The following RGS7 variants were observed in gnomAD, a reference collection of about 807,000 sequenced individuals.
RGS7 encodes regulator of G-protein signaling 7.
Under a neutral mutation model 81.1 loss-of-function variants are expected in RGS7, and 27 were observed. The observed-to-expected ratio is 0.33, with a 90% CI of 0.25 to 0.46. The LOEUF is 0.46. Among genes scored for constraint, RGS7 ranks in the 20% least tolerant of loss-of-function variants. RGS7 has a pLI of 1.00. For missense variants in RGS7, 396 were observed against 607.4 expected (o/e 0.65, Z 3.66); for synonymous variants, 208 against 207.7 (o/e 1.00, Z -0.01).
chr1:240,881,356 G>T (rs528395446), intron 6 of RGS7, among the ~76,000 whole-genome samples: 2 of 151,530 alleles, frequency 1.3e-5, no homozygotes, highest in Admixed American at 6.6e-5. Flanking sequence ...GTCGTGGGGT[G>T]GGGGGCTAGG....
At chr1:240,957,873 T>A (rs1680714030) in intron 4 of RGS7, among the ~76,000 whole-genome samples, 1 of 152,232 alleles carries the variant, frequency 6.6e-6, no homozygotes, top group African/African-American at 2.4e-5. Context: ...AAAATCACTC[T>A]ACTGCATAAC....
At chr1:241,333,038 G>A (rs1573723087) in intron 2 of RGS7, among the ~76,000 whole-genome samples, 1 of 152,330 alleles carries the variant, frequency 6.6e-6, no homozygotes, top group East Asian at 1.9e-4. Context: ...TGGAGGGAAA[G>A]GGATAACAAA....
intron 18 of RGS7, among the ~76,000 whole-genome samples, chr1:240,800,059 T>C (rs1272097026): frequency 1.3e-5 from 2 of 152,226 alleles, no homozygotes; most frequent in Non-Finnish European, 2.9e-5. Flanking sequence ...CAGTATATTC[T>C]GTCAGCATTA....
At chr1:241,156,135 T>TAGAC (rs924862959) in intron 2 of RGS7, among the ~76,000 whole-genome samples, 2 of 55,878 alleles carry the variant, frequency 3.6e-5, no homozygotes, top group African/African-American at 7.5e-5. Flanking sequence ...TAAATGATGA[T>TAGAC]AGATAGATAG....
chr1:241,318,836 ATTTTAATC>A (rs2081044819), intron 2 of RGS7, among the ~76,000 whole-genome samples: 2 of 152,352 alleles, frequency 1.3e-5, no homozygotes, highest in African/African-American at 4.8e-5. Flanking sequence ...CAACATTTAT[ATTTTAATC>A]ATTATAAAGC....
At chr1:241,207,248 T>TTCTCTCTCTCTC (rs149671121) in intron 2 of RGS7, among the ~76,000 whole-genome samples, 68 of 149,906 alleles carry the variant, frequency 4.5e-4, no homozygotes, top group Admixed American at 1.2e-3. Context: ...GTTTCTTTCT[T>TTCTCTCTCTCTC]TCTCTCTCTC....
intron 14 of RGS7, among the ~76,000 whole-genome samples, chr1:240,807,846 C>A (rs1458552303): frequency 6.6e-6 from 1 of 151,874 alleles, no homozygotes; most frequent in African/African-American, 2.4e-5. Context: ...ATCAGCCTGG[C>A]CAACATGGTG....
At chr1:241,355,995 C>T (rs2083538757) in intron 1 of RGS7, among the ~76,000 whole-genome samples, 169 bp from the exon 2 acceptor site, 1 of 152,172 alleles carries the variant, frequency 6.6e-6, no homozygotes, top group African/African-American at 2.4e-5. Flanking sequence ...CCTACAATAA[C>T]CTCAAGGAAT....
chr1:241,304,616 G>A (rs2079974257), intron 2 of RGS7, among the ~76,000 whole-genome samples: 1 of 152,176 alleles, frequency 6.6e-6, no homozygotes, highest in Non-Finnish European at 1.5e-5. Flanking sequence ...GTGTTGTGAA[G>A]AGAACTGATC....
chr1:241,323,435 C>T (rs762304871), intron 2 of RGS7, among the ~76,000 whole-genome samples: 2 of 152,198 alleles, frequency 1.3e-5, no homozygotes, highest in African/African-American at 4.8e-5. Flanking sequence ...TCCCTGACCC[C>T]GTTGTAGGAA....
chr1:240,922,846 T>C (rs1051268482), intron 6 of RGS7, among the ~76,000 whole-genome samples: 69 of 152,102 alleles, frequency 4.5e-4, no homozygotes, highest in African/African-American at 1.7e-3. Flanking sequence ...TATGATCCAC[T>C]TTCCTAGGTA....
intron 18 of RGS7, among the ~76,000 whole-genome samples, chr1:240,781,175 G>C (rs1482110695): frequency 6.6e-6 from 1 of 152,110 alleles, no homozygotes; most frequent in Non-Finnish European, 1.5e-5. Flanking sequence ...ACAAACTCTT[G>C]TCCCAGGAAA....
intron 11 of RGS7, 30 bp from the exon 12 acceptor site, chr1:240,814,807 T>C (rs767025413): frequency 2.9e-6 from 4 of 1,357,364 alleles, no homozygotes; most frequent in Non-Finnish European, 2.1e-6. Context: ...AGGAGTTACA[T>C]AAGTAATGAC....
At position 241,091,505 on chromosome 1, in the gene RGS7, G is replaced by A. The variant is rs149301853; in HGVS notation, c.175+7161C>T. 7.0e-3 allele frequency among the ~76,000 whole-genome samples: 1,050 copies of A among 150,718 alleles called. 64 individuals carry two copies. The East Asian group carries it at 0.15, about 22-fold the overall frequency. ...GGAGCTTGCAGTGAGCTGAGATCACGCCACTGCACTCCAGCCTGGGCGACA... is the reference window on the plus strand; with the variant it reads ...GGAGCTTGCAGTGAGCTGAGATCACACCACTGCACTCCAGCCTGGGCGACA... On this transcript the variant is annotated intron_variant, in intron 3 of 18. Transcript: ENST00000440928.
At chr1:241,136,447 A>AG (rs917348525) in intron 2 of RGS7, among the ~76,000 whole-genome samples, 10 of 151,576 alleles carry the variant, frequency 6.6e-5, no homozygotes, top group South Asian at 2.1e-4. Flanking sequence ...TTTGGAGATA[A>AG]GGGGGGGGAT....
intron 3 of RGS7, among the ~76,000 whole-genome samples, chr1:241,024,268 T>C: frequency 6.6e-6 from 1 of 152,144 alleles, no homozygotes; most frequent in East Asian, 1.9e-4. Flanking sequence ...GAAGCTGTGA[T>C]AATGGAGAGG....
chr1:240,819,066 AT>A (rs775141504), intron 10 of RGS7, among the ~76,000 whole-genome samples: 2 of 152,352 alleles, frequency 1.3e-5, no homozygotes, highest in South Asian at 2.1e-4. Flanking sequence ...GTCAATTAAA[AT>A]TAGGCAACAG....
At chr1:241,264,914 C>T (rs574935620) in intron 2 of RGS7, among the ~76,000 whole-genome samples, 4 of 152,312 alleles carry the variant, frequency 2.6e-5, no homozygotes, top group East Asian at 1.9e-4. Context: ...GATCCTCCAG[C>T]GGCCTAACTG....
At chr1:241,268,522 G>T (rs1294250378) in intron 2 of RGS7, among the ~76,000 whole-genome samples, 1 of 152,162 alleles carries the variant, frequency 6.6e-6, no homozygotes, top group Non-Finnish European at 1.5e-5. Flanking sequence ...GCTCCCTGAG[G>T]TCTGAGTTCT....
Sources: gnomAD v4.1 joint callset for allele counts (sites outside exome capture counted in the v4.1 genomes callset) on GRCh38, gnomAD v4.1.1 for gene constraint, MANE v1.5 for transcripts, NCBI Gene and HGNC (gene_info 2026-07-23, HGNC 2026-07-21) for gene names.